The following KCNMA1 variants were observed in gnomAD, a reference collection of about 807,000 sequenced individuals.
The protein encoded by KCNMA1 is potassium calcium-activated channel subfamily M alpha 1.
KCNMA1 carries 29 observed loss-of-function variants against 140.0 expected under a neutral mutation model. The ratio of observed to expected loss-of-function variants is 0.21; its 90% CI spans 0.15 to 0.28. The LOEUF is 0.28. Among genes scored for constraint, KCNMA1 ranks in the 10% least tolerant of loss-of-function variants. The pLI is 1.00. For missense variants in KCNMA1, 880 were observed against 1,602.2 expected, an observed-to-expected ratio of 0.55 and a Z score of 7.70; for synonymous variants, 612 against 611.9, an observed-to-expected ratio of 1.00 and a Z score of 0.00.
At chr10:77,268,775 C>T (rs934881466) in intron 2 of KCNMA1, among the ~76,000 whole-genome samples, 1 of 152,150 alleles carries the variant, frequency 6.6e-6, no homozygotes, top group Non-Finnish European at 1.5e-5. Context: ...GGCTACTTTT[C>T]TCAGGAAAAC....
intron 19 of KCNMA1, among the ~76,000 whole-genome samples, chr10:76,982,510 G>A (rs191563396): frequency 2.9e-4 from 44 of 152,238 alleles, no homozygotes; most frequent in African/African-American, 1.0e-3. Context: ...CCAGGTGGAG[G>A]ACACAGTTTG....
At chr10:77,112,220 C>T (rs1036258181) in intron 7 of KCNMA1, 147 bp downstream of exon 7, 4 of 684,810 alleles carry the variant, frequency 5.8e-6, no homozygotes, top group Non-Finnish European at 8.0e-6. Context: ...GTTGGAAACC[C>T]AGACAATTGT....
intron 5 of KCNMA1, among the ~76,000 whole-genome samples, chr10:77,165,717 T>C (rs2098633864): frequency 6.6e-6 from 1 of 152,204 alleles, no homozygotes; most frequent in Non-Finnish European, 1.5e-5. Context: ...GTATACCTAC[T>C]TTTCAAACTC....
At chr10:76,987,685 C>G (rs972529380) in intron 19 of KCNMA1, among the ~76,000 whole-genome samples, 8 of 152,178 alleles carry the variant, frequency 5.3e-5, no homozygotes, top group Admixed American at 1.3e-4. Context: ...GAATCACAGT[C>G]TCAGGAAAAG....
chr10:77,582,205 T>A (rs1465125869), intron 1 of KCNMA1, among the ~76,000 whole-genome samples: 3 of 152,218 alleles, frequency 2.0e-5, no homozygotes, highest in African/African-American at 7.2e-5. Context: ...GCTCTGGAGC[T>A]GGTCTGCCTG....
intron 3 of KCNMA1, chr10:77,250,355 T>A (rs1400352215): frequency 6.6e-6 from 1 of 152,212 alleles, no homozygotes; most frequent in Non-Finnish European, 1.5e-5. Flanking sequence ...AGAAAATGAG[T>A]TAGACTCCAG....
intron 5 of KCNMA1, among the ~76,000 whole-genome samples, chr10:77,135,724 A>G (rs1354331558): frequency 2.6e-5 from 4 of 152,244 alleles, no homozygotes; most frequent in Non-Finnish European, 5.9e-5. Flanking sequence ...ATTAAGTTAA[A>G]TAAGCCATGC....
chr10:76,885,077 T>C lies in KCNMA1; in HGVS notation c.*2189A>G. 1.9e-6 allele frequency: 3 copies of C among 1,542,776 alleles called. No individual in the cohort carries two copies. The highest frequency in any genetic ancestry group is 2.5e-5 in the East Asian group (1 of 40,666). On this transcript the variant is annotated 3_prime_UTR_variant, in exon 28 of 28. Transcript: ENST00000286628. ...AATGCTTTTAAACTGTCATATTTCC[T>C]GTTGAGCACTTTAACTGGCACATTC...
chr10:77,389,398 G>A (rs1167506041), intron 2 of KCNMA1, among the ~76,000 whole-genome samples: 2 of 152,196 alleles, frequency 1.3e-5, no homozygotes, highest in African/African-American at 2.4e-5. Flanking sequence ...CAGAGATGGA[G>A]GCGCTTCTAC....
intron 5 of KCNMA1, among the ~76,000 whole-genome samples, chr10:77,142,401 GAAAACAA>G (rs1202268715): frequency 9.3e-5 from 14 of 151,270 alleles, no homozygotes; most frequent in African/African-American, 3.4e-4. Context: ...AAGAAAAAAA[GAAAACAA>G]AAAAGAAAAA....
chr10:77,061,846 A>G (rs1476055823), intron 14 of KCNMA1, among the ~76,000 whole-genome samples: 1 of 152,258 alleles, frequency 6.6e-6, no homozygotes, highest in African/African-American at 2.4e-5. Flanking sequence ...ATACTGATAC[A>G]TGCAACAACC....
At chr10:77,353,870 C>A (rs929624486) in intron 2 of KCNMA1, among the ~76,000 whole-genome samples, 2 of 151,520 alleles carry the variant, frequency 1.3e-5, no homozygotes, top group East Asian at 1.9e-4. Flanking sequence ...GGGACATGAA[C>A]GCAGGCACAG....
chr10:77,198,572 T>TATAG (rs1456787086), intron 3 of KCNMA1, among the ~76,000 whole-genome samples: 2 of 92,020 alleles, frequency 2.2e-5, no homozygotes, highest in Non-Finnish European at 5.4e-5. Context: ...ATATGTGATA[T>TATAG]ATATATATAT....
intron 5 of KCNMA1, among the ~76,000 whole-genome samples, chr10:77,147,979 C>T (rs2098340283): frequency 6.6e-6 from 1 of 152,136 alleles, no homozygotes; most frequent in African/African-American, 2.4e-5. Flanking sequence ...CTGCCACCAC[C>T]AAGAAAAGAC....
At chr10:77,367,938 T>C (rs1028363956) in intron 2 of KCNMA1, among the ~76,000 whole-genome samples, 1 of 152,252 alleles carries the variant, frequency 6.6e-6, no homozygotes, top group East Asian at 1.9e-4. Flanking sequence ...ACAGTTGTTT[T>C]AGCCATTCAC....
chr10:77,375,468 A>G (rs1166985514), intron 2 of KCNMA1, among the ~76,000 whole-genome samples: 1 of 152,184 alleles, frequency 6.6e-6, no homozygotes, highest in Non-Finnish European at 1.5e-5. Context: ...CGCGGCTGTT[A>G]ATGACCTGGT....
intron 1 of KCNMA1, among the ~76,000 whole-genome samples, chr10:77,512,979 C>T (rs1051870220): frequency 3.9e-5 from 6 of 152,162 alleles, no homozygotes; most frequent in African/African-American, 1.4e-4. Context: ...CAAGAGTGAA[C>T]TTCACCAGTG....
chr10:77,493,674 C>T (rs1015375323), intron 1 of KCNMA1: 7 of 152,284 alleles, frequency 4.6e-5, no homozygotes, highest in African/African-American at 1.7e-4. Context: ...TGTGGCCAAC[C>T]CAGCACGGGG....
chr10:77,201,217 G>T (rs138900795), intron 3 of KCNMA1, among the ~76,000 whole-genome samples: 1 of 152,144 alleles, frequency 6.6e-6, no homozygotes, highest in Non-Finnish European at 1.5e-5. Flanking sequence ...AATTTTAACC[G>T]TGGTGGGAGC....
Sources: allele counts gnomAD v4.1 joint callset (sites outside exome capture counted in the v4.1 genomes callset), GRCh38; gene constraint gnomAD v4.1.1; transcripts MANE v1.5; gene names NCBI Gene and HGNC (gene_info 2026-07-23, HGNC 2026-07-21).